The following CDK12 variants were observed in gnomAD, a reference collection of about 807,000 sequenced individuals.
CDK12 encodes cyclin-dependent kinase 12.
A neutral mutation model predicts 133.8 loss-of-function variants in CDK12; 17 were observed. That is an observed-to-expected ratio of 0.13 (90% CI 0.09 to 0.19). The LOEUF is 0.19. CDK12 is among the 10% of genes least tolerant of loss of function. The probability of loss-of-function intolerance (pLI) is 1.00; values close to 1 mark genes in which losing one functional copy is unlikely to be tolerated. For missense variants in CDK12, 1,508 were observed against 1,818.7 expected (o/e 0.83, Z 3.11); for synonymous variants, 694 against 683.6 (o/e 1.02, Z -0.24).
At chr17:39,520,967 C>G (rs963606493) in intron 11 of CDK12, among the ~76,000 whole-genome samples, 1 of 152,142 alleles carries the variant, frequency 6.6e-6, no homozygotes, top group African/African-American at 2.4e-5. Flanking sequence ...CCTGCCTCAG[C>G]CTTCCCAAGC....
chr17:39,502,087 C>T (rs2052757084), intron 6 of CDK12, among the ~76,000 whole-genome samples: 2 of 151,856 alleles, frequency 1.3e-5, no homozygotes, highest in African/African-American at 2.4e-5. Flanking sequence ...TCGTGATCCA[C>T]CCACCTCAGC....
At chr17:39,515,285 C>T (rs1267009908) in intron 8 of CDK12, among the ~76,000 whole-genome samples, 1 of 152,102 alleles carries the variant, frequency 6.6e-6, no homozygotes, top group Non-Finnish European at 1.5e-5. Context: ...AATACAGTGC[C>T]AAGAAGGCTA....
rs76066674 is a variant in CDK12, at chr17:39,559,997, A to G, written n.484+3584A>G. Reference sequence around the variant, plus strand: ...TAGGAATGTAAAATGGGGCCTTGCTATGTTGCCCAGGGTGGTCTCAAACTC... The same window carrying G: ...TAGGAATGTAAAATGGGGCCTTGCTGTGTTGCCCAGGGTGGTCTCAAACTC... On this transcript the variant is annotated intron_variant and non_coding_transcript_variant, in intron 3 of 3. Transcript: ENST00000558240. Among the ~76,000 whole-genome samples, 441 of 152,096 alleles carry G rather than the reference A, an allele frequency of 2.9e-3. 2 individuals carry two copies. The Middle Eastern group carries it at 0.061, about 21-fold the overall frequency.
Position 39,494,511 on chromosome 17 carries a change from T to A in CDK12, c.2249-13T>A. On this transcript the variant is annotated splice_polypyrimidine_tract_variant and intron_variant, in intron 4 of 13. Transcript: ENST00000447079. ...TGCTCATTGATAATAACAGTTTACA[T>A]TTGTTTTGGCAGGAGAACTAGTGGC... is the stretch of plus-strand genomic sequence containing the variant. 1.9e-6 allele frequency: 3 copies of A among 1,612,992 alleles called. No individual in the cohort carries two copies. Among genetic ancestry groups the A allele is most frequent in the Non-Finnish European group, 2.5e-6 (3 of 1,179,220 alleles).
chr17:39,538,362 C>T (rs1031721413), downstream of CDK12, among the ~76,000 whole-genome samples: 2 of 152,068 alleles, frequency 1.3e-5, no homozygotes, highest in Admixed American at 1.3e-4. Context: ...CGAGAATATG[C>T]GAATTAGAGT....
At chr17:39,475,730 A>G (rs576478063) in intron 2 of CDK12, among the ~76,000 whole-genome samples, 24 of 151,906 alleles carry the variant, frequency 1.6e-4, no homozygotes, top group Non-Finnish European at 3.1e-4. Flanking sequence ...TATTTTTAGT[A>G]GAGACAGGGT....
intron 3 of CDK12, 104 bp downstream of exon 3, chr17:39,490,837 G>T: frequency 1.2e-6 from 1 of 804,758 alleles, no homozygotes. Context: ...GATCGTAGAA[G>T]TTTGGTCCCA....
At position 39,515,841 on chromosome 17, in the gene CDK12, G is replaced by A. The variant is rs775145859; in HGVS notation, c.2846+33G>A. 2.4e-5 allele frequency: 33 copies of A among 1,377,268 alleles called. No homozygotes were observed. The South Asian group carries it at 3.9e-4, about 16-fold the overall frequency. The allele number at this position is 1,377,268 out of a possible 1,614,324, so 85.3% of individuals were successfully genotyped here. A position where few individuals can be genotyped will look rare whatever the true frequency, so the allele number is the denominator to read the frequency against. ...TGTACATGTGCTCTTGAGTGCCCAG[G>A]TGTGATAGGTATTCTCATCCTCCAG... is the stretch of plus-strand genomic sequence containing the variant. On this transcript the variant is annotated intron_variant, in intron 9 of 13. Coordinates refer to ENST00000447079, the MANE Select transcript of CDK12 (RefSeq NM_016507.4).
At chr17:39,555,682 G>C (rs2056127125) in intron 2 of CDK12, among the ~76,000 whole-genome samples, 1 of 151,798 alleles carries the variant, frequency 6.6e-6, no homozygotes, top group Admixed American at 6.6e-5. Flanking sequence ...AGGGAGTTCA[G>C]CCCCAGGAGA....
chr17:39,539,857 A>G (rs1005930610), intron 1 of CDK12, among the ~76,000 whole-genome samples: 2 of 152,226 alleles, frequency 1.3e-5, no homozygotes, highest in Non-Finnish European at 2.9e-5. Flanking sequence ...GAGGAATCTC[A>G]TGGAAGAGGG....
chr17:39,563,363 A>C (rs1422119008), intron 3 of CDK12, among the ~76,000 whole-genome samples: 1 of 150,668 alleles, frequency 6.6e-6, no homozygotes, highest in Non-Finnish European at 1.5e-5. Flanking sequence ...AGGGATACCC[A>C]CATGTAAATA....
intron 13 of CDK12, among the ~76,000 whole-genome samples, chr17:39,528,387 G>A (rs1419657548): frequency 6.6e-6 from 1 of 152,120 alleles, no homozygotes; most frequent in African/African-American, 2.4e-5. Flanking sequence ...AGGCTGGAGT[G>A]CAGTGGCGTG....
chr17:39,523,261 G>A (rs1182160434), intron 11 of CDK12, among the ~76,000 whole-genome samples: 1 of 152,022 alleles, frequency 6.6e-6, no homozygotes. Context: ...ATCACCTGAG[G>A]TCATGAGTTC....
At chr17:39,519,296 G>C (rs947673551) in intron 10 of CDK12, among the ~76,000 whole-genome samples, 1 of 104,238 alleles carries the variant, frequency 9.6e-6, no homozygotes, top group Non-Finnish European at 1.9e-5. Flanking sequence ...GAAATTCAAA[G>C]ACTTTTTTTT....
rs2055007657 is a variant in CDK12, at chr17:39,533,877, A to G, written c.*2561A>G. The stretch of plus-strand genomic sequence containing the variant: ...TGTTAATTTTTCAGTTACGTTATCT[A>G]TAAACATGATGGAAGTAAAGGTTTG... On this transcript the variant is annotated 3_prime_UTR_variant, in exon 14 of 14. Coordinates refer to ENST00000447079, the MANE Select transcript of CDK12 (RefSeq NM_016507.4). The G allele has an allele frequency of 8.6e-6, 2 of 232,244 alleles. No individual in the cohort carries two copies. Among genetic ancestry groups the G allele is most frequent in the Non-Finnish European group, 1.7e-5 (2 of 117,446 alleles). 14.4% of individuals were successfully genotyped at this position (232,244 alleles called of 1,614,324 possible).
intron 4 of CDK12, 57 bp downstream of exon 4, chr17:39,492,947 T>C (rs553062686): frequency 7.1e-7 from 1 of 1,409,104 alleles, no homozygotes; most frequent in African/African-American, 1.4e-5. Context: ...GCAATACTAA[T>C]ATCTTAAGTG....
chr17:39,463,990 C>T (rs2049122716), intron 1 of CDK12, among the ~76,000 whole-genome samples: 1 of 151,974 alleles, frequency 6.6e-6, no homozygotes, highest in Non-Finnish European at 1.5e-5. Flanking sequence ...TTTGTGGAAT[C>T]CTAATGTTGC....
intron 2 of CDK12, chr17:39,556,200 C>G (rs2056157597): frequency 6.6e-6 from 1 of 152,488 alleles, no homozygotes; most frequent in Non-Finnish European, 1.5e-5. Context: ...AAGTACTTGT[C>G]TGTTCCCTAT....
chr17:39,521,277 T>G (rs2054147893), intron 11 of CDK12, among the ~76,000 whole-genome samples: 1 of 152,032 alleles, frequency 6.6e-6, no homozygotes, highest in Non-Finnish European at 1.5e-5. Flanking sequence ...GTTTGTTTGT[T>G]TGTGTGTTTT....
Sources: allele counts gnomAD v4.1 joint callset (sites outside exome capture counted in the v4.1 genomes callset), GRCh38; gene constraint gnomAD v4.1.1; transcripts MANE v1.5; gene names NCBI Gene and HGNC (gene_info 2026-07-23, HGNC 2026-07-21).